The following HDDC2 variants were observed in gnomAD, a reference collection of about 807,000 sequenced individuals.
HDDC2 encodes HD domain containing 2, also known as 5'-deoxynucleotidase HDDC2.
Under a neutral mutation model 25.5 loss-of-function variants are expected in HDDC2, and 25 were observed. The observed-to-expected ratio is 0.98, with a 90% CI of 0.72 to 1.37. The LOEUF (loss-of-function observed/expected upper bound fraction) is 1.37. Among genes scored for constraint, HDDC2 ranks in the 40% most tolerant of loss-of-function variants. The pLI is 0.00. For missense variants in HDDC2, 264 were observed against 253.1 expected (o/e 1.04, Z -0.29); for synonymous variants, 106 against 89.7 (o/e 1.18, Z -1.03).
intron 4 of HDDC2, among the ~76,000 whole-genome samples, chr6:125,284,586 G>A (rs1194312883): frequency 6.6e-6 from 1 of 152,224 alleles, no homozygotes; most frequent in East Asian, 1.9e-4. Flanking sequence ...CTGGTCATTA[G>A]AGAAATGCAA....
intron 4 of HDDC2, among the ~76,000 whole-genome samples, chr6:125,285,856 A>C (rs1326402191): frequency 6.6e-6 from 1 of 152,218 alleles, no homozygotes; most frequent in Non-Finnish European, 1.5e-5. Context: ...ACATTGTCAG[A>C]AGTTCAGTCA....
At chr6:125,277,326 A>G in intron 4 of HDDC2, 86 bp from the exon 5 acceptor site, 1 of 1,268,804 alleles carries the variant, frequency 7.9e-7, no homozygotes, top group Non-Finnish European at 1.1e-6. Context: ...ACCCGAAATC[A>G]GAGTGACAGC....
chr6:125,300,115 G>C (rs1798772392), intron 2 of HDDC2, among the ~76,000 whole-genome samples: 3 of 152,152 alleles, frequency 2.0e-5, no homozygotes, highest in African/African-American at 7.2e-5. Context: ...AACACTTGTC[G>C]ATTAAATGAA....
intron 4 of HDDC2, among the ~76,000 whole-genome samples, chr6:125,284,560 A>G (rs1798504333): frequency 6.6e-6 from 1 of 152,266 alleles, no homozygotes; most frequent in Non-Finnish European, 1.5e-5. Context: ...AACATATGAA[A>G]AAAAGCTCAT....
chr6:125,276,162 C>T lies in HDDC2; in HGVS notation c.599G>A (p.Ser200Asn), dbSNP rs753456603. The T allele has an allele frequency of 5.0e-6, 8 of 1,612,732 alleles. No homozygotes were observed. The South Asian group carries it at 7.7e-5, about 16-fold the overall frequency. ...GAGAGTGTCTCAGGAGTGTGGCTCA[C>T]TGGCAGCTGCAGCTATGTTAGTGCT... ...ERSTNIAAAA[S>N]EPHS The change falls in exon 6 of 6, where the codon AGT becomes AAT. Residue 200 changes from serine (S) to asparagine (N), a missense_variant. Physicochemically the swap from Ser to Asn is conservative, Grantham distance 46 (BLOSUM62 1). Transcript: ENST00000398153.
intron 3 of HDDC2, among the ~76,000 whole-genome samples, chr6:125,295,719 T>G (rs554932791): frequency 6.6e-6 from 1 of 152,312 alleles, no homozygotes; most frequent in East Asian, 1.9e-4. Context: ...TCCAAGTTCT[T>G]TAGCAACTTT....
At chr6:125,294,634 G>T (rs1037743273) in intron 3 of HDDC2, among the ~76,000 whole-genome samples, 1 of 152,092 alleles carries the variant, frequency 6.6e-6, no homozygotes, top group South Asian at 2.1e-4. Flanking sequence ...GTACATACAG[G>T]TATATGAACA....
At chr6:125,298,139 G>C (rs1583056115) in intron 3 of HDDC2, among the ~76,000 whole-genome samples, 1 of 151,904 alleles carries the variant, frequency 6.6e-6, no homozygotes, top group East Asian at 1.9e-4. Flanking sequence ...ACTACCTATT[G>C]GCTTACTATC....
Position 125,301,920 on chromosome 6 carries a change from A to T in HDDC2, c.13T>A (p.Ser5Thr), listed in dbSNP as rs745622018. 5 of 1,550,382 alleles carry T rather than the reference A, an allele frequency of 3.2e-6. No individual in the cohort carries two copies. In the South Asian group the frequency reaches 5.9e-5, roughly 18 times the overall value. Residue 5 changes from serine to threonine, a missense_variant, in exon 1 of 6, where the codon TCC (serine) becomes ACC (threonine). By Grantham distance (58) the Ser-to-Thr change is moderately conservative. Transcript: ENST00000398153. MASV[S>T]SATFSGHGAR... is the part of the protein sequence containing the mutation. ...CCGTGGCCCGAGAAGGTCGCAGAGG[A>T]GACCGAAGCCATGCGGCCACCGACC...
chr6:125,291,659 T>C (rs965203180), intron 4 of HDDC2, among the ~76,000 whole-genome samples: 1 of 152,158 alleles, frequency 6.6e-6, no homozygotes, highest in Non-Finnish European at 1.5e-5. Context: ...TGTGGGAACC[T>C]GTATGATTCT....
intron 4 of HDDC2, among the ~76,000 whole-genome samples, chr6:125,287,303 A>T (rs919444246): frequency 6.6e-6 from 1 of 152,186 alleles, no homozygotes; most frequent in Non-Finnish European, 1.5e-5. Context: ...ATGTCTGTGA[A>T]AATCAGGGTA....
intron 3 of HDDC2, 25 bp downstream of exon 3, chr6:125,298,689 T>G: frequency 6.3e-7 from 1 of 1,577,462 alleles, no homozygotes. Context: ...GGTGGTTTTT[T>G]GCACAGTCAA....
At chr6:125,288,753 G>A (rs973279276) in intron 4 of HDDC2, among the ~76,000 whole-genome samples, 4 of 139,514 alleles carry the variant, frequency 2.9e-5, no homozygotes, top group African/African-American at 1.2e-4. Flanking sequence ...CTGGCCATCA[G>A]AGAAATGCAA....
At chr6:125,287,250 GA>G in intron 4 of HDDC2, among the ~76,000 whole-genome samples, 1 of 152,304 alleles carries the variant, frequency 6.6e-6, no homozygotes, top group African/African-American at 2.4e-5. Flanking sequence ...AAAATATCTA[GA>G]AATGAATAGT....
intron 3 of HDDC2, among the ~76,000 whole-genome samples, chr6:125,297,772 A>G (rs1316992751): frequency 1.3e-5 from 2 of 152,022 alleles, no homozygotes; most frequent in Non-Finnish European, 2.9e-5. Context: ...AAAACCAACC[A>G]CTCAGCATTC....
chr6:125,293,299 G>A (rs781004407), intron 3 of HDDC2: 5 of 242,772 alleles, frequency 2.1e-5, no homozygotes, highest in Non-Finnish European at 4.1e-5. Flanking sequence ...AAACCTGAGT[G>A]GGGAGAATGG....
At chr6:125,280,645 C>G (rs981278667) in intron 4 of HDDC2, among the ~76,000 whole-genome samples, 3 of 152,210 alleles carry the variant, frequency 2.0e-5, no homozygotes, top group Admixed American at 6.5e-5. Context: ...GCAAAGCCGC[C>G]GTAGCAAGAC....
At chr6:125,288,558 T>G (rs969936358) in intron 4 of HDDC2, among the ~76,000 whole-genome samples, 2 of 152,096 alleles carry the variant, frequency 1.3e-5, no homozygotes, top group African/African-American at 4.8e-5. Context: ...AACAGGAAGA[T>G]TAAACATTTC....
At chr6:125,280,945 T>C (rs1036906297) in intron 4 of HDDC2, among the ~76,000 whole-genome samples, 3 of 152,202 alleles carry the variant, frequency 2.0e-5, no homozygotes, top group African/African-American at 7.2e-5. Context: ...AGACATCTCA[T>C]ACAGGAGAGC....
Sources: gnomAD v4.1 joint callset for allele counts (sites outside exome capture counted in the v4.1 genomes callset) on GRCh38, gnomAD v4.1.1 for gene constraint, MANE v1.5 for transcripts, NCBI Gene and HGNC (gene_info 2026-07-23, HGNC 2026-07-21) for gene names.